The following AOAH variants were observed in gnomAD, a reference collection of about 807,000 sequenced individuals.
AOAH encodes the protein acyloxyacyl hydrolase.
In AOAH, 64 loss-of-function variants were observed where a neutral mutation model predicts 92.2. That is an observed-to-expected ratio of 0.69 (90% CI 0.57 to 0.86). The LOEUF (loss-of-function observed/expected upper bound fraction) is 0.86. AOAH is among the 40% of genes least tolerant of loss of function. AOAH has a pLI of 0.00. For synonymous variants in AOAH, 263 were observed against 254.5 expected (o/e 1.03, Z -0.32); for missense variants, 656 against 694.6 (o/e 0.94, Z 0.62).
intron 2 of AOAH, among the ~76,000 whole-genome samples, chr7:36,678,226 TGCATTTCATTCAGTACCA>T (rs1186322229): frequency 3.3e-5 from 5 of 152,206 alleles, no homozygotes; most frequent in Non-Finnish European, 5.9e-5. Flanking sequence ...CTCAGAGACC[TGCATTTCATTCAGTACCA>T]GCCCACTGGC....
Position 36,645,636 on chromosome 7 carries a change from T to A in AOAH, c.391-7726A>T, listed in dbSNP as rs1584020847. Reference sequence around the variant, plus strand: ...ATCTGCATTCTGCTGTATCCTACAGTGGCAATTTTCCAATACTCAAGATGT... The same window carrying A: ...ATCTGCATTCTGCTGTATCCTACAGAGGCAATTTTCCAATACTCAAGATGT... On this transcript the variant is annotated intron_variant, in intron 4 of 20. Transcript: ENST00000617537. 2.0e-5 allele frequency among the ~76,000 whole-genome samples: 3 copies of A among 152,306 alleles called. No homozygotes were observed. The East Asian group carries it at 5.8e-4, about 29-fold the overall frequency.
At chr7:36,517,204 TTCTTTCTTTC>T (rs753502078) in intron 20 of AOAH, among the ~76,000 whole-genome samples, 34 of 41,374 alleles carry the variant, frequency 8.2e-4, no homozygotes, top group African/African-American at 1.9e-3. Context: ...CTTTCTTTCT[TTCTTTCTTTC>T]TCTTTCTTTC....
chr7:36,613,809 T>TAACA (rs1488380943), intron 11 of AOAH, among the ~76,000 whole-genome samples: 6 of 152,230 alleles, frequency 3.9e-5, no homozygotes, highest in Non-Finnish European at 7.3e-5. Context: ...AACCTGAAGT[T>TAACA]AACATTTTGC....
chr7:36,687,987 T>C (rs1480660779), intron 1 of AOAH, among the ~76,000 whole-genome samples: 1 of 152,206 alleles, frequency 6.6e-6, no homozygotes, highest in Non-Finnish European at 1.5e-5. Context: ...GCCTCGATGT[T>C]CTGTCCCCTC....
rs1491014946 is a variant in AOAH, at chr7:36,534,962, GTC to G, written c.1307-2620_1307-2619del. On this transcript the variant is annotated intron_variant, in intron 16 of 20. Coordinates refer to ENST00000617537, the MANE Select transcript of AOAH (RefSeq NM_001637.4). Reference sequence around the variant, plus strand: ...TTTCTGTGTCTGTGTGTGTATCTGTGTCTGTGTCTCTGTGTGTGTGTTTGTGT... The same window carrying G: ...TTTCTGTGTCTGTGTGTGTATCTGTGTGTGTCTCTGTGTGTGTGTTTGTGT... 1.8e-4 allele frequency among the ~76,000 whole-genome samples: 25 copies of G among 141,810 alleles called. No individual in the cohort carries two copies. In the South Asian group the frequency reaches 4.2e-3, roughly 24 times the overall value. The allele number at this position is 141,810 out of a possible 152,430, so 93.0% of individuals were successfully genotyped here.
intron 3 of AOAH, among the ~76,000 whole-genome samples, chr7:36,665,836 T>TA (rs1584067158): frequency 6.6e-6 from 1 of 152,184 alleles, no homozygotes; most frequent in East Asian, 1.9e-4. Flanking sequence ...AGCCTGTTGA[T>TA]ACGATGGATT....
chr7:36,716,127 C>T (rs539401038), intron 1 of AOAH, among the ~76,000 whole-genome samples: 4 of 152,120 alleles, frequency 2.6e-5, no homozygotes, highest in African/African-American at 7.2e-5. Context: ...AACAAATTTA[C>T]AAGAAAAAAC....
intron 9 of AOAH, among the ~76,000 whole-genome samples, chr7:36,619,114 A>G (rs1792104864): frequency 6.6e-6 from 1 of 152,158 alleles, no homozygotes; most frequent in African/African-American, 2.4e-5. Context: ...TGTGTTAACA[A>G]GAGTGTGCTC....
chr7:36,563,486 C>T (rs1484327103), intron 13 of AOAH, among the ~76,000 whole-genome samples: 1 of 152,146 alleles, frequency 6.6e-6, no homozygotes, highest in Non-Finnish European at 1.5e-5. Flanking sequence ...TTCTTCTTCA[C>T]TTGGCCTGCT....
At chr7:36,631,184 A>G (rs1050193882) in intron 6 of AOAH, among the ~76,000 whole-genome samples, 1 of 152,020 alleles carries the variant, frequency 6.6e-6, no homozygotes, top group South Asian at 2.1e-4. Context: ...CGTCTCTACT[A>G]AAAATACAAA....
At chr7:36,710,198 A>C (rs1798671671) in intron 1 of AOAH, among the ~76,000 whole-genome samples, 1 of 152,180 alleles carries the variant, frequency 6.6e-6, no homozygotes, top group African/African-American at 2.4e-5. Context: ...CAATGACAAA[A>C]GGATTCTGCA....
chr7:36,552,687 G>A (rs1445266716), intron 13 of AOAH, among the ~76,000 whole-genome samples: 2 of 151,976 alleles, frequency 1.3e-5, no homozygotes, highest in African/African-American at 2.4e-5. Context: ...TTTAATAATC[G>A]CTGCTCTGAC....
chr7:36,708,477 C>A (rs1007735890), intron 1 of AOAH, among the ~76,000 whole-genome samples: 1 of 152,056 alleles, frequency 6.6e-6, no homozygotes, highest in Non-Finnish European at 1.5e-5. Flanking sequence ...TTAATTCTTT[C>A]GCTATGGTGG....
At chr7:36,654,060 T>C (rs377178307) in intron 4 of AOAH, among the ~76,000 whole-genome samples, 9 of 146,830 alleles carry the variant, frequency 6.1e-5, no homozygotes, top group Admixed American at 3.5e-4. Context: ...GTTTTGGACA[T>C]GGTGGGAGGG....
At chr7:36,629,983 A>C (rs1213599973) in intron 6 of AOAH, among the ~76,000 whole-genome samples, 4 of 152,326 alleles carry the variant, frequency 2.6e-5, no homozygotes, top group South Asian at 2.1e-4. Flanking sequence ...CTCATCCAAT[A>C]TGAGTGGTGT....
intron 10 of AOAH, among the ~76,000 whole-genome samples, chr7:36,616,704 G>GT (rs1459703056): frequency 1.3e-5 from 2 of 152,168 alleles, no homozygotes; most frequent in Non-Finnish European, 2.9e-5. Context: ...ATGCAGGTGT[G>GT]TTTCCCAGCT....
In AOAH at chr7:36,516,838, G is replaced by A. The variant is rs900557790; in HGVS notation, c.1600-3458C>T. Among the ~76,000 whole-genome samples the A allele has an allele frequency of 6.6e-6, 1 of 152,226 alleles. No homozygotes were observed. Among genetic ancestry groups the A allele is most frequent in the Admixed American group, 6.5e-5 (1 of 15,294 alleles). ...AGGAGACAGGGTGAGGGCAAGAAGA[G>A]GGAAACGAAAATGAAAGAGCTCAGA... is the stretch of plus-strand genomic sequence containing the variant. On this transcript the variant is annotated intron_variant, in intron 20 of 20. Transcript: ENST00000617537. This position sits in a 1 kb window ranked among gnomAD's most constrained non-coding sequence, Gnocchi z 5.0.
intron 11 of AOAH, among the ~76,000 whole-genome samples, chr7:36,615,835 T>C (rs994535927): frequency 2.0e-5 from 3 of 152,188 alleles, no homozygotes; most frequent in Non-Finnish European, 4.4e-5. Flanking sequence ...CTCCCCTTTC[T>C]TTGCCTTCTC....
intron 11 of AOAH, among the ~76,000 whole-genome samples, chr7:36,616,161 G>A (rs1290412959): frequency 6.6e-6 from 1 of 152,224 alleles, no homozygotes; most frequent in East Asian, 1.9e-4. Flanking sequence ...TGCCTTCAGG[G>A]TTCCTGGCAG....
Sources: gnomAD v4.1 joint callset for allele counts (sites outside exome capture counted in the v4.1 genomes callset) on GRCh38, gnomAD v4.1.1 for gene constraint, Gnocchi (gnomAD v3.1) non-coding constraint, MANE v1.5 for transcripts, NCBI Gene and HGNC (gene_info 2026-07-23, HGNC 2026-07-21) for gene names.